The following COMMD10 variants were observed in gnomAD, a reference collection of about 807,000 sequenced individuals.
COMMD10 encodes COMM domain-containing protein 10.
Under a neutral mutation model 28.9 loss-of-function variants are expected in COMMD10, and 33 were observed. The ratio of observed to expected loss-of-function variants is 1.14; its 90% CI spans 0.87 to 1.53. COMMD10 has a LOEUF of 1.53. Ranked by LOEUF, COMMD10 falls within the 40% of genes most tolerant of loss-of-function variation. The pLI is 0.00. For synonymous variants in COMMD10, 110 were observed against 81.7 expected (o/e 1.35, Z -1.87); for missense variants, 310 against 233.4 (o/e 1.33, Z -2.14).
At chr5:116,170,217 A>G (rs984263606) in intron 5 of COMMD10, among the ~76,000 whole-genome samples, 1 of 152,200 alleles carries the variant, frequency 6.6e-6, no homozygotes, top group African/African-American at 2.4e-5. Context: ...GAGCCAAATC[A>G]TGAGCAAACT....
intron 5 of COMMD10, among the ~76,000 whole-genome samples, chr5:116,254,789 A>G (rs867860800): frequency 1.5e-4 from 23 of 151,698 alleles, no homozygotes; most frequent in Middle Eastern, 6.8e-3. Flanking sequence ...TTTGGGGTGG[A>G]GAGTTCTGTA....
At chr5:116,152,352 A>T (rs1357032490) in intron 5 of COMMD10, among the ~76,000 whole-genome samples, 2 of 151,974 alleles carry the variant, frequency 1.3e-5, no homozygotes, top group East Asian at 3.9e-4. Flanking sequence ...TCCCTGTGGG[A>T]TTTTTTTTCA....
intron 5 of COMMD10, among the ~76,000 whole-genome samples, chr5:116,218,535 A>G (rs548286419): frequency 6.6e-6 from 1 of 152,320 alleles, no homozygotes; most frequent in African/African-American, 2.4e-5. Flanking sequence ...TAATGACAGC[A>G]AAATGCAATT....
chr5:116,183,697 TAATA>T (rs1202907142), intron 5 of COMMD10, among the ~76,000 whole-genome samples: 3 of 152,152 alleles, frequency 2.0e-5, no homozygotes, highest in Non-Finnish European at 4.4e-5. Context: ...AGTAACCATT[TAATA>T]AATACTTTCT....
At chr5:116,186,088 C>A (rs1437298332) in intron 5 of COMMD10, among the ~76,000 whole-genome samples, 2 of 152,110 alleles carry the variant, frequency 1.3e-5, no homozygotes, top group Non-Finnish European at 2.9e-5. Context: ...CATTATCTTT[C>A]TCCCTGTAGA....
At chr5:116,198,135 C>T (rs1370420218) in intron 5 of COMMD10, among the ~76,000 whole-genome samples, 1 of 152,106 alleles carries the variant, frequency 6.6e-6, no homozygotes, top group Non-Finnish European at 1.5e-5. Flanking sequence ...ACATTGTACT[C>T]TTAAGCAGAA....
At chr5:116,170,859 A>T (rs1375585642) in intron 5 of COMMD10, among the ~76,000 whole-genome samples, 1 of 152,090 alleles carries the variant, frequency 6.6e-6, no homozygotes, top group African/African-American at 2.4e-5. Flanking sequence ...AGACTTAAAC[A>T]TAAGACCTAA....
chr5:116,166,912 G>A (rs1455040644), intron 5 of COMMD10, among the ~76,000 whole-genome samples: 1 of 152,090 alleles, frequency 6.6e-6, no homozygotes, highest in Non-Finnish European at 1.5e-5. Flanking sequence ...CAGAAAGGCT[G>A]AAAATTCCCT....
At chr5:116,085,145 C>G (rs778541311) in intron 1 of COMMD10, 52 bp downstream of exon 1, 3 of 1,408,066 alleles carry the variant, frequency 2.1e-6, no homozygotes, top group Middle Eastern at 2.2e-4. Flanking sequence ...AGGCCCAGAT[C>G]GGGCTCGCAC....
chr5:116,156,306 G>A (rs902660427), intron 5 of COMMD10, among the ~76,000 whole-genome samples: 1 of 152,118 alleles, frequency 6.6e-6, no homozygotes, highest in Non-Finnish European at 1.5e-5. Context: ...ATGTCAAGCA[G>A]ATTACTTAAC....
chr5:116,199,136 C>A (rs1410111102), intron 5 of COMMD10, among the ~76,000 whole-genome samples: 1 of 152,024 alleles, frequency 6.6e-6, no homozygotes, highest in Non-Finnish European at 1.5e-5. Context: ...TGTCAGTGTT[C>A]TAGATTTTGG....
At position 116,253,303 on chromosome 5, in the gene COMMD10, A is replaced by G. The variant is rs1253418345; in HGVS notation, c.511-38214A>G. ...TACCCTTTATTTCCTTCTCCTGCCTAATTGCCCTGGCCAGAACTTCCAACA... is the reference window on the plus strand; with the variant it reads ...TACCCTTTATTTCCTTCTCCTGCCTGATTGCCCTGGCCAGAACTTCCAACA... On this transcript the variant is annotated intron_variant, in intron 5 of 6. Coordinates refer to ENST00000274458, the MANE Select transcript of COMMD10 (RefSeq NM_016144.4). 1.0e-4 allele frequency among the ~76,000 whole-genome samples: 14 copies of G among 138,456 alleles called. No homozygotes were observed. The East Asian group carries it at 1.7e-3, about 17-fold the overall frequency. The allele number at this position is 138,456 out of a possible 152,430, so 90.8% of individuals were successfully genotyped here. A position where few individuals can be genotyped will look rare whatever the true frequency, so the allele number is the denominator to read the frequency against.
intron 4 of COMMD10, among the ~76,000 whole-genome samples, chr5:116,113,610 C>G (rs1017273763): frequency 1.3e-5 from 2 of 151,838 alleles, no homozygotes; most frequent in Non-Finnish European, 2.9e-5. Flanking sequence ...TTTTATATCT[C>G]CTTCAGTGAA....
intron 5 of COMMD10, among the ~76,000 whole-genome samples, chr5:116,282,632 G>T (rs191695075): frequency 6.6e-6 from 1 of 151,840 alleles, no homozygotes; most frequent in Non-Finnish European, 1.5e-5. Flanking sequence ...AATTCTGTAG[G>T]CTAGAAGACT....
chr5:116,115,158 T>A (rs1253234834), intron 4 of COMMD10, among the ~76,000 whole-genome samples: 3 of 152,174 alleles, frequency 2.0e-5, no homozygotes, highest in Non-Finnish European at 4.4e-5. Context: ...CCAGGGTGTG[T>A]TATTTCCCTA....
chr5:116,286,203 A>G (rs1026385129), intron 5 of COMMD10, among the ~76,000 whole-genome samples: 2 of 151,546 alleles, frequency 1.3e-5, no homozygotes, highest in East Asian at 3.9e-4. Context: ...ATCTGTTATA[A>G]TGTCCTCTCT....
intron 5 of COMMD10, among the ~76,000 whole-genome samples, chr5:116,287,642 C>G (rs567548271): frequency 6.6e-6 from 1 of 151,316 alleles, no homozygotes; most frequent in East Asian, 1.9e-4. Context: ...TTGTTCCTTT[C>G]CTCTCTCATT....
chr5:116,121,875 G>A (rs1181356303), intron 4 of COMMD10, among the ~76,000 whole-genome samples: 2 of 152,162 alleles, frequency 1.3e-5, no homozygotes, highest in African/African-American at 4.8e-5. Flanking sequence ...GTAGATTCTG[G>A]ATGCTAGCCC....
intron 5 of COMMD10, among the ~76,000 whole-genome samples, chr5:116,251,406 A>T (rs1356103427): frequency 6.9e-6 from 1 of 144,740 alleles, no homozygotes; most frequent in African/African-American, 2.5e-5. Flanking sequence ...CTCGTCATCT[A>T]GCATTAGGTA....
Sources: gnomAD v4.1 joint callset for allele counts (sites outside exome capture counted in the v4.1 genomes callset) on GRCh38, gnomAD v4.1.1 for gene constraint, MANE v1.5 for transcripts, NCBI Gene and HGNC (gene_info 2026-07-23, HGNC 2026-07-21) for gene names.